CACNA2D1: variants seen among roughly 807,000 people sequenced by gnomAD.
CACNA2D1 encodes calcium voltage-gated channel auxiliary subunit alpha2delta 1.
A neutral mutation model predicts 171.5 loss-of-function variants in CACNA2D1; 53 were observed. The observed-to-expected ratio is 0.31, with a 90% CI of 0.25 to 0.39. The LOEUF is 0.39. Among genes scored for constraint, CACNA2D1 ranks in the 10% least tolerant of loss-of-function variants. CACNA2D1 has a pLI of 1.00. For synonymous variants in CACNA2D1, 442 were observed against 443.1 expected (o/e 1.00, Z 0.03); for missense variants, 903 against 1,299.8 (o/e 0.69, Z 4.69).
chr7:82,164,057 T>C (rs979653665), intron 4 of CACNA2D1, among the ~76,000 whole-genome samples: 1 of 151,908 alleles, frequency 6.6e-6, no homozygotes, highest in Non-Finnish European at 1.5e-5. Context: ...CTGAAGTAGA[T>C]TTGCACAACT....
intron 3 of CACNA2D1, among the ~76,000 whole-genome samples, chr7:82,277,932 G>C (rs10260434): frequency 0.18 from 26,765 of 151,598 alleles, 3,172 homozygotes; most frequent in African/African-American, 0.33. Flanking sequence ...TTTTAGTACA[G>C]AGAGGGTTTC....
chr7:82,117,913 C>T (rs1789270462), intron 5 of CACNA2D1, among the ~76,000 whole-genome samples: 1 of 152,040 alleles, frequency 6.6e-6, no homozygotes, highest in Non-Finnish European at 1.5e-5. Context: ...TTATATTGTG[C>T]AGTTGAAGAT....
chr7:82,112,790 G>T (rs1484508687), intron 6 of CACNA2D1, among the ~76,000 whole-genome samples: 1 of 152,166 alleles, frequency 6.6e-6, no homozygotes, highest in Non-Finnish European at 1.5e-5. Flanking sequence ...TTATGCAATT[G>T]TCCAGAAAGA....
chr7:82,164,233 T>C (rs759582764), intron 4 of CACNA2D1, among the ~76,000 whole-genome samples: 49 of 152,000 alleles, frequency 3.2e-4, no homozygotes, highest in Non-Finnish European at 6.0e-4. Context: ...AATTAAAAAA[T>C]TGTATATAGG....
At chr7:82,242,322 T>C (rs1204139046) in intron 3 of CACNA2D1, among the ~76,000 whole-genome samples, 1 of 152,114 alleles carries the variant, frequency 6.6e-6, no homozygotes, top group Non-Finnish European at 1.5e-5. Context: ...ATCTGAGACA[T>C]ATTCAGAAGA....
intron 3 of CACNA2D1, among the ~76,000 whole-genome samples, chr7:82,254,230 C>A (rs919473680): frequency 3.3e-5 from 5 of 151,660 alleles, no homozygotes; most frequent in African/African-American, 1.2e-4. Flanking sequence ...CAGCATAAAT[C>A]CTGTGTTTTC....
chr7:82,220,968 G>A (rs1185242416), intron 3 of CACNA2D1, among the ~76,000 whole-genome samples: 1 of 151,936 alleles, frequency 6.6e-6, no homozygotes, highest in Non-Finnish European at 1.5e-5. Context: ...TAGAGACAGG[G>A]TTTCACGATG....
At chr7:82,353,422 T>C (rs1017270205) in intron 1 of CACNA2D1, among the ~76,000 whole-genome samples, 2 of 152,038 alleles carry the variant, frequency 1.3e-5, no homozygotes, top group African/African-American at 4.8e-5. Context: ...TTAGAGGTGT[T>C]TGGGGGAGGC....
chr7:82,195,660 TA>T (rs75394173), intron 3 of CACNA2D1, among the ~76,000 whole-genome samples: 18,407 of 142,380 alleles, frequency 0.13, 1,562 homozygotes, highest in African/African-American at 0.24. Flanking sequence ...TTCATGTATT[TA>T]AAAAAAAAAA....
chr7:82,045,316 T>C (rs71557110), intron 10 of CACNA2D1, among the ~76,000 whole-genome samples: 9,331 of 152,208 alleles, frequency 0.061, 463 homozygotes, highest in Non-Finnish European at 0.082. Flanking sequence ...CCTTCTCATA[T>C]ATTAATTTTT....
chr7:82,250,792 G>T (rs1805538384), intron 3 of CACNA2D1, among the ~76,000 whole-genome samples: 3 of 151,854 alleles, frequency 2.0e-5, no homozygotes, highest in Non-Finnish European at 4.4e-5. Flanking sequence ...CAAGAGTTCT[G>T]GTTTACTGGT....
At position 81,947,488 on chromosome 7, in the gene CACNA2D1, T is replaced by C. The variant is rs1318386127; in HGVS notation, c.*2904A>G. The C allele has an allele frequency of 1.3e-5, 2 of 151,972 alleles. No individual in the cohort carries two copies. The highest frequency in any genetic ancestry group is 2.9e-5 in the Non-Finnish European group (2 of 67,876). 9.4% of individuals were successfully genotyped at this position (151,972 alleles called of 1,614,324 possible). A position where few individuals can be genotyped will look rare whatever the true frequency, so the allele number is the denominator to read the frequency against. On this transcript the variant is annotated 3_prime_UTR_variant, in exon 39 of 39. Coordinates refer to ENST00000356860, the MANE Select transcript of CACNA2D1 (RefSeq NM_000722.4). ...TGTTACAAATATGGACCACGGTTGG[T>C]GTTTGGCAGTAATGCTGGTTGTTTA... is the stretch of plus-strand genomic sequence containing the variant.
chr7:82,315,811 T>C (rs976474358), intron 3 of CACNA2D1, among the ~76,000 whole-genome samples: 1 of 152,178 alleles, frequency 6.6e-6, no homozygotes, highest in Admixed American at 6.5e-5. Context: ...CTACACACAG[T>C]GTAAATCAAC....
At chr7:82,402,520 G>A (rs1826536400) in intron 1 of CACNA2D1, among the ~76,000 whole-genome samples, 1 of 151,858 alleles carries the variant, frequency 6.6e-6, no homozygotes, top group South Asian at 2.1e-4. Flanking sequence ...AGACCATCCT[G>A]GCTAACATGG....
chr7:82,030,122 A>C (rs546420962), intron 12 of CACNA2D1, among the ~76,000 whole-genome samples: 1 of 151,920 alleles, frequency 6.6e-6, no homozygotes, highest in African/African-American at 2.4e-5. Context: ...TTGTTTAAAA[A>C]GTTGAGCTCC....
chr7:82,126,288 T>C lies in CACNA2D1; in HGVS notation c.397-9115A>G, dbSNP rs185101596. Among the ~76,000 whole-genome samples the C allele has an allele frequency of 1.3e-4, 20 of 152,310 alleles. 1 individual carries two copies. In the East Asian group the frequency reaches 3.9e-3, roughly 29 times the overall value. Reference sequence around the variant, plus strand: ...TAACAAGGCATACAGCAATTGTACATGTATGCCTTGTTATTTAGAAGAAAC... The same window carrying C: ...TAACAAGGCATACAGCAATTGTACACGTATGCCTTGTTATTTAGAAGAAAC... On this transcript the variant is annotated intron_variant, in intron 5 of 38. Coordinates refer to ENST00000356860, the MANE Select transcript of CACNA2D1 (RefSeq NM_000722.4).
chr7:82,155,271 G>A (rs532864216), intron 4 of CACNA2D1, among the ~76,000 whole-genome samples: 30 of 152,116 alleles, frequency 2.0e-4, no homozygotes, highest in Admixed American at 3.3e-4. Context: ...TGCAAGAACC[G>A]ACTAATAGAC....
At chr7:81,953,155 C>T (rs1043066209) in intron 38 of CACNA2D1, among the ~76,000 whole-genome samples, 1 of 152,096 alleles carries the variant, frequency 6.6e-6, no homozygotes, top group Non-Finnish European at 1.5e-5. Context: ...GTCACTACTG[C>T]AGGTCCAAGT....
chr7:82,059,360 G>A (rs913518482), intron 10 of CACNA2D1, among the ~76,000 whole-genome samples: 4 of 152,020 alleles, frequency 2.6e-5, no homozygotes, highest in African/African-American at 9.7e-5. Flanking sequence ...GTCTATGATG[G>A]TTCTGAGGAG....
Sources: gnomAD v4.1 joint callset for allele counts (sites outside exome capture counted in the v4.1 genomes callset) on GRCh38, gnomAD v4.1.1 for gene constraint, MANE v1.5 for transcripts, NCBI Gene and HGNC (gene_info 2026-07-23, HGNC 2026-07-21) for gene names.